The following ITGA2 variants were observed in gnomAD, a reference collection of about 807,000 sequenced individuals.
The protein encoded by ITGA2 is integrin subunit alpha 2, also known as integrin alpha-2.
A neutral mutation model predicts 146.3 loss-of-function variants in ITGA2; 101 were observed. The observed-to-expected ratio is 0.69, with a 90% CI of 0.59 to 0.81. ITGA2 has a LOEUF of 0.81. ITGA2 is among the 40% of genes least tolerant of loss of function. The pLI is 0.00. For missense variants in ITGA2, 1,281 were observed against 1,402.7 expected (o/e 0.91, Z 1.39); for synonymous variants, 477 against 487.1 (o/e 0.98, Z 0.27).
chr5:53,051,151 T>C (rs1325060995), intron 6 of ITGA2, among the ~76,000 whole-genome samples: 1 of 152,170 alleles, frequency 6.6e-6, no homozygotes, highest in East Asian at 1.9e-4. Context: ...AAACTACAAA[T>C]ATTACTCTTG....
intron 27 of ITGA2, among the ~76,000 whole-genome samples, chr5:53,083,756 C>T (rs1378999351): frequency 2.6e-5 from 4 of 152,166 alleles, no homozygotes; most frequent in East Asian, 1.9e-4. Context: ...CTACAAGGGG[C>T]AGCCTGCTTT....
chr5:53,000,469 T>C (rs141848385), intron 1 of ITGA2, among the ~76,000 whole-genome samples: 1 of 152,340 alleles, frequency 6.6e-6, no homozygotes, highest in African/African-American at 2.4e-5. Context: ...TTCATGAGTG[T>C]GATTATCCTA....
intron 1 of ITGA2, among the ~76,000 whole-genome samples, chr5:53,015,233 A>G (rs1742345057): frequency 6.6e-6 from 1 of 152,142 alleles, no homozygotes; most frequent in Admixed American, 6.6e-5. Context: ...GTGTATGTTT[A>G]GCACTATCAA....
chr5:53,031,432 C>T (rs1743219516), intron 2 of ITGA2, among the ~76,000 whole-genome samples: 1 of 152,140 alleles, frequency 6.6e-6, no homozygotes, highest in Non-Finnish European at 1.5e-5. Flanking sequence ...GACTTCACTC[C>T]TTTCCCTCAG....
intron 2 of ITGA2, among the ~76,000 whole-genome samples, chr5:53,032,308 A>G (rs1483299812): frequency 6.6e-6 from 1 of 152,216 alleles, no homozygotes; most frequent in African/African-American, 2.4e-5. Flanking sequence ...TAAATAAAAA[A>G]AAAAGTTTAA....
intron 1 of ITGA2, among the ~76,000 whole-genome samples, chr5:53,019,399 C>T (rs184720251): frequency 2.6e-5 from 4 of 152,168 alleles, no homozygotes; most frequent in Admixed American, 1.3e-4. Flanking sequence ...CTCACTCCAT[C>T]CTGCCCAGGA....
intron 1 of ITGA2, among the ~76,000 whole-genome samples, chr5:53,014,853 A>G (rs1239280606): frequency 3.3e-5 from 5 of 151,832 alleles, no homozygotes; most frequent in East Asian, 1.9e-4. Context: ...GAATTTATCT[A>G]TTTCTTCTAG....
intron 1 of ITGA2, among the ~76,000 whole-genome samples, chr5:52,993,101 T>G (rs557867123): frequency 1.5e-4 from 23 of 152,156 alleles, no homozygotes; most frequent in Non-Finnish European, 2.4e-4. Context: ...GCTAGAAGGG[T>G]CAATCCCAAG....
intron 16 of ITGA2, among the ~76,000 whole-genome samples, chr5:53,068,487 T>A (rs3212562): frequency 6.6e-6 from 1 of 151,888 alleles, no homozygotes; most frequent in Admixed American, 6.6e-5. Context: ...CATAGAGGTG[T>A]CTCATGTATC....
At chr5:53,007,073 G>A (rs920437863) in intron 1 of ITGA2, among the ~76,000 whole-genome samples, 1 of 152,116 alleles carries the variant, frequency 6.6e-6, no homozygotes, top group African/African-American at 2.4e-5. Context: ...ATTCAATGTA[G>A]CATGCTAGAA....
At chr5:52,995,244 A>G (rs931419390) in intron 1 of ITGA2, among the ~76,000 whole-genome samples, 32 of 152,210 alleles carry the variant, frequency 2.1e-4, no homozygotes, top group African/African-American at 6.3e-4. Context: ...AACAGTAGAA[A>G]GGTCTTGAAG....
intron 1 of ITGA2, among the ~76,000 whole-genome samples, chr5:52,995,666 C>T (rs1242570752): frequency 1.3e-5 from 2 of 152,148 alleles, no homozygotes; most frequent in African/African-American, 4.8e-5. Context: ...TGGATGTACA[C>T]CTGGATGTAT....
At chr5:53,074,234 T>A in intron 20 of ITGA2, 151 bp from the exon 21 acceptor site, 1 of 700,456 alleles carries the variant, frequency 1.4e-6, no homozygotes, top group South Asian at 1.5e-5. Context: ...CTGGGCAGTA[T>A]AAAATTTCAA....
rs566537428 is a variant in ITGA2 at position 53,002,458 on chromosome 5, C to A, written c.64+12926C>A. Among the ~76,000 whole-genome samples, 33 of 152,086 alleles carry A rather than the reference C, an allele frequency of 2.2e-4. No individual in the cohort carries two copies. The East Asian group carries it at 5.8e-3, about 27-fold the overall frequency. On this transcript the variant is annotated intron_variant, in intron 1 of 29. Transcript: ENST00000296585. ...TTACATGTGATTATATGAATATAAT[C>A]TTTTCATAGATATACTCACTATATG... is the stretch of plus-strand genomic sequence containing the variant.
intron 10 of ITGA2, 52 bp downstream of exon 10, chr5:53,058,153 C>G: frequency 7.7e-7 from 1 of 1,295,848 alleles, no homozygotes; most frequent in South Asian, 1.2e-5. Context: ...ATAACACTTC[C>G]AGACACAGTA....
chr5:53,010,300 G>A (rs1742060957), intron 1 of ITGA2, among the ~76,000 whole-genome samples: 2 of 152,206 alleles, frequency 1.3e-5, no homozygotes, highest in Admixed American at 1.3e-4. Flanking sequence ...TGAGAGCCCA[G>A]AGGCCTATGG....
chr5:53,034,493 G>A (rs1264329737), intron 2 of ITGA2, among the ~76,000 whole-genome samples: 1 of 151,590 alleles, frequency 6.6e-6, no homozygotes, highest in Non-Finnish European at 1.5e-5. Context: ...ATACAAGTTT[G>A]TGTGTGCACC....
At chr5:52,993,919 T>A (rs1393343827) in intron 1 of ITGA2, among the ~76,000 whole-genome samples, 1 of 152,110 alleles carries the variant, frequency 6.6e-6, no homozygotes, top group Non-Finnish European at 1.5e-5. Context: ...GATTGGCAAG[T>A]GAAAGAAATG....
At position 53,011,454 on chromosome 5, in the gene ITGA2, C is replaced by T. The variant is rs147052205; in HGVS notation, c.65-15294C>T. The stretch of plus-strand genomic sequence containing the variant: ...CTGTTGCTGCAGGTTTCCAACCCAC[C>T]GCTATGTTGCTGGTCATCCTTTCTT... On this transcript the variant is annotated intron_variant, in intron 1 of 29. Transcript: ENST00000296585. Among the ~76,000 whole-genome samples, 314 of 152,194 alleles carry T rather than the reference C, an allele frequency of 2.1e-3. 1 individual carries two copies. Among genetic ancestry groups the T allele is most frequent in the African/African-American group, 7.3e-3 (305 of 41,530 alleles).
Sources: allele counts gnomAD v4.1 joint callset (sites outside exome capture counted in the v4.1 genomes callset), GRCh38; gene constraint gnomAD v4.1.1; transcripts MANE v1.5; gene names NCBI Gene and HGNC (gene_info 2026-07-23, HGNC 2026-07-21).